CREB5: variants seen among roughly 807,000 people sequenced by gnomAD.
The protein encoded by CREB5 is cyclic AMP-responsive element-binding protein 5.
In CREB5, 19 loss-of-function variants were observed where a neutral mutation model predicts 57.1. The ratio of observed to expected loss-of-function variants is 0.33; its 90% CI spans 0.23 to 0.49. CREB5 has a LOEUF of 0.49. CREB5 is among the 20% of genes least tolerant of loss of function. CREB5 has a pLI of 0.99. For missense variants in CREB5, 579 were observed against 671.6 expected, an observed-to-expected ratio of 0.86 and a Z score of 1.52; for synonymous variants, 238 against 238.3, an observed-to-expected ratio of 1.00 and a Z score of 0.01.
chr7:28,404,582 G>A (rs1321450349), intron 1 of CREB5, among the ~76,000 whole-genome samples: 1 of 152,126 alleles, frequency 6.6e-6, no homozygotes, highest in Non-Finnish European at 1.5e-5. Flanking sequence ...CTTTTATAAA[G>A]CATAAGTTCA....
chr7:28,805,796 C>G (rs1248702695), intron 8 of CREB5, among the ~76,000 whole-genome samples: 2 of 152,154 alleles, frequency 1.3e-5, no homozygotes, highest in East Asian at 3.9e-4. Context: ...GTTTTCCCAT[C>G]TGTAAAATGG....
chr7:28,736,060 A>G (rs1052379596), intron 7 of CREB5, among the ~76,000 whole-genome samples: 3 of 152,096 alleles, frequency 2.0e-5, no homozygotes, highest in African/African-American at 7.2e-5. Context: ...GGGCCTCCCA[A>G]AGCTCTGGGA....
chr7:28,815,944 A>G (rs914567352), intron 9 of CREB5, among the ~76,000 whole-genome samples: 20 of 152,184 alleles, frequency 1.3e-4, no homozygotes, highest in Admixed American at 6.5e-5. Flanking sequence ...TCTGCAGCTG[A>G]GAGCTTCTAC....
chr7:28,505,206 A>G (rs200785280), intron 3 of CREB5, among the ~76,000 whole-genome samples: 1 of 50,246 alleles, frequency 2.0e-5, no homozygotes, highest in Non-Finnish European at 6.5e-5. Context: ...ACACACACGC[A>G]CACACACACA....
intron 1 of CREB5, among the ~76,000 whole-genome samples, chr7:28,318,343 A>AT (rs1320014815): frequency 4.6e-5 from 7 of 152,256 alleles, no homozygotes; most frequent in Non-Finnish European, 8.8e-5. Context: ...GCCTCAGCAA[A>AT]TAAGATGCAG....
At chr7:28,792,239 G>A (rs1156839777) in intron 7 of CREB5, among the ~76,000 whole-genome samples, 1 of 152,090 alleles carries the variant, frequency 6.6e-6, no homozygotes, top group Non-Finnish European at 1.5e-5. Flanking sequence ...GGGAGGTGGA[G>A]GTTGCAGTGA....
chr7:28,313,114 T>G lies in CREB5; in HGVS notation c.-25+13673T>G, dbSNP rs568342279. Among the ~76,000 whole-genome samples the G allele has an allele frequency of 4.6e-5, 7 of 152,316 alleles. No individual in the cohort carries two copies. In the South Asian group the frequency reaches 1.0e-3, roughly 23 times the overall value. On this transcript the variant is annotated intron_variant, in intron 1 of 9. Transcript: ENST00000396299. ...CCCAGAGTTTCTGAATTAGTAGGTC[T>G]GGGACGGGTCTTGAGAAATTTCATT...
At position 28,432,175 on chromosome 7, in the gene CREB5, G is replaced by A. The variant is rs371517806; in HGVS notation, c.3+19258G>A. Among the ~76,000 whole-genome samples the A allele has an allele frequency of 8.5e-5, 13 of 152,208 alleles. No individual in the cohort carries two copies. In the East Asian group the frequency reaches 1.5e-3, roughly 18 times the overall value. On this transcript the variant is annotated intron_variant, in intron 1 of 10. Transcript: ENST00000357727. ...AATGTGTTTTATACGGAGTTGGAGC[G>A]TTGTGTGTTTTGCCCAGCCAATGGC...
At chr7:28,439,707 G>A (rs1460977836) in intron 1 of CREB5, among the ~76,000 whole-genome samples, 2 of 152,154 alleles carry the variant, frequency 1.3e-5, no homozygotes, top group Non-Finnish European at 2.9e-5. Context: ...TCCTAAGATG[G>A]CACTTTCAAA....
At chr7:28,696,208 C>G (rs1043330916) in intron 5 of CREB5, among the ~76,000 whole-genome samples, 1 of 151,412 alleles carries the variant, frequency 6.6e-6, no homozygotes, top group Non-Finnish European at 1.5e-5. Flanking sequence ...GCCTCCCGAC[C>G]TTGAAAGGAT....
intron 9 of CREB5, among the ~76,000 whole-genome samples, chr7:28,811,268 A>G (rs891174249): frequency 4.6e-5 from 7 of 152,242 alleles, no homozygotes; most frequent in Admixed American, 1.3e-4. Context: ...ACCACTTGGC[A>G]AGGATGTGAT....
At chr7:28,346,015 C>T (rs546316499) in intron 1 of CREB5, among the ~76,000 whole-genome samples, 9 of 152,186 alleles carry the variant, frequency 5.9e-5, no homozygotes, top group East Asian at 1.9e-4. Context: ...CCACATTATC[C>T]GAAGGGGGGC....
chr7:28,810,910 A>G (rs1331897858), intron 9 of CREB5, among the ~76,000 whole-genome samples: 1 of 152,156 alleles, frequency 6.6e-6, no homozygotes, highest in Non-Finnish European at 1.5e-5. Flanking sequence ...GAGGGCCTGA[A>G]TTTCATAATT....
intron 5 of CREB5, among the ~76,000 whole-genome samples, chr7:28,641,731 A>T (rs1798667476): frequency 6.6e-6 from 1 of 152,228 alleles, no homozygotes; most frequent in Non-Finnish European, 1.5e-5. Context: ...ATCCAGCTCC[A>T]TGAGAAGAGT....
chr7:28,348,369 T>TTCTCTCTCTCTCTG (rs1246182044), intron 1 of CREB5, among the ~76,000 whole-genome samples: 2 of 123,216 alleles, frequency 1.6e-5, no homozygotes, highest in Admixed American at 8.6e-5. Flanking sequence ...TGCGCCTGCT[T>TTCTCTCTCTCTCTG]TCTCTCTCTC....
At chr7:28,546,865 T>C (rs1398651245) in intron 4 of CREB5, among the ~76,000 whole-genome samples, 2 of 152,158 alleles carry the variant, frequency 1.3e-5, no homozygotes, top group African/African-American at 4.8e-5. Flanking sequence ...AAAGTGTGTT[T>C]ACATGGGGCC....
At position 28,820,539 on chromosome 7, in the gene CREB5, T is replaced by A. The variant is rs895051981; in HGVS notation, c.*1260T>A. 2.0e-5 allele frequency: 3 copies of A among 152,552 alleles called. No homozygotes were observed. Among genetic ancestry groups the A allele is most frequent in the African/African-American group, 2.4e-5 (1 of 41,412 alleles). 9.4% of individuals were successfully genotyped at this position (152,552 alleles called of 1,614,324 possible). A position where few individuals can be genotyped will look rare whatever the true frequency, so the allele number is the denominator to read the frequency against. On this transcript the variant is annotated 3_prime_UTR_variant, in exon 11 of 11. Transcript: ENST00000357727. ...GTTTCCATAGGGGCACTTTTAGCCT[T>A]CCCACAACAGTTAAGCACTCTTTGA...
At chr7:28,560,911 T>TGTGTGCGCGTGCGCGTGTGTGTGC (rs1554344471) in intron 4 of CREB5, among the ~76,000 whole-genome samples, 2 of 36,068 alleles carry the variant, frequency 5.5e-5, no homozygotes, top group Admixed American at 2.5e-4. Flanking sequence ...CGCGCGTGCG[T>TGTGTGCGCGTGCGCGTGTGTGTGC]GTGCGTGTGT....
In CREB5 at chr7:28,701,548, A is replaced by G. The variant is rs186838246; in HGVS notation, c.465-17205A>G. 1.6e-3 allele frequency among the ~76,000 whole-genome samples: 241 copies of G among 152,310 alleles called. 5 individuals are homozygous for G. The highest frequency in any genetic ancestry group is 0.016 in the Admixed American group (240 of 15,296). The stretch of plus-strand genomic sequence containing the variant: ...TATAAAAGGTTGATTCCAATTTAAA[A>G]TCTATAATTCTTACTACATACTCGT... On this transcript the variant is annotated intron_variant, in intron 5 of 10. Transcript: ENST00000357727.
Sources: gnomAD v4.1 joint callset for allele counts (sites outside exome capture counted in the v4.1 genomes callset) on GRCh38, gnomAD v4.1.1 for gene constraint, MANE v1.5 for transcripts, NCBI Gene and HGNC (gene_info 2026-07-23, HGNC 2026-07-21) for gene names.